Variants in ACVR1 observed in about 807,000 individuals in gnomAD.
ACVR1 encodes the protein activin receptor type-1.
Under a neutral mutation model 57.1 loss-of-function variants are expected in ACVR1, and 38 were observed. The ratio of observed to expected loss-of-function variants is 0.67; its 90% CI spans 0.51 to 0.87. ACVR1 has a LOEUF of 0.87. ACVR1 is among the 40% of genes least tolerant of loss of function. ACVR1 has a pLI of 0.00. For synonymous variants in ACVR1, 212 were observed against 228.1 expected (o/e 0.93, Z 0.63); for missense variants, 463 against 638.2 (o/e 0.73, Z 2.96).
At chr2:157,872,214 T>C (rs749004601) in intron 1 of ACVR1, among the ~76,000 whole-genome samples, 2 of 152,146 alleles carry the variant, frequency 1.3e-5, no homozygotes, top group Non-Finnish European at 2.9e-5. Context: ...CTTGGGAAAA[T>C]AAAACAGGAG....
chr2:157,763,566 A>G (rs1051816306), intron 8 of ACVR1, among the ~76,000 whole-genome samples: 1 of 152,146 alleles, frequency 6.6e-6, no homozygotes, highest in African/African-American at 2.4e-5. Flanking sequence ...TAAGAACAAA[A>G]AAAAGTTAGC....
intron 9 of ACVR1, among the ~76,000 whole-genome samples, chr2:157,739,424 CAG>C (rs1684663646): frequency 6.6e-6 from 1 of 152,160 alleles, no homozygotes; most frequent in Admixed American, 6.5e-5. Context: ...ACTCCTTAAA[CAG>C]AAAAATTTTT....
chr2:157,830,213 C>T lies in ACVR1; in HGVS notation c.-182-11654G>A, dbSNP rs566480535. On this transcript the variant is annotated intron_variant, in intron 1 of 10. Transcript: ENST00000434821. ...CAGCCTAGGTGACAAGAGCAAACTCCGTCTCAAAATAAAATTAAATAAAAG... is the reference window on the plus strand; with the variant it reads ...CAGCCTAGGTGACAAGAGCAAACTCTGTCTCAAAATAAAATTAAATAAAAG... Among the ~76,000 whole-genome samples the T allele has an allele frequency of 1.1e-4, 17 of 151,996 alleles. No homozygotes were observed. In the South Asian group the frequency reaches 3.1e-3, roughly 28 times the overall value.
chr2:157,765,760 T>A (rs56373745), intron 8 of ACVR1, among the ~76,000 whole-genome samples, 161 bp downstream of exon 8: 1 of 152,200 alleles, frequency 6.6e-6, no homozygotes, highest in Non-Finnish European at 1.5e-5. Flanking sequence ...AATGTTAATG[T>A]GAGAATCTAT....
chr2:157,867,556 C>T lies in ACVR1; in HGVS notation c.-183+8240G>A, dbSNP rs577453680. 3.3e-5 allele frequency among the ~76,000 whole-genome samples: 5 copies of T among 152,280 alleles called. No homozygotes were observed. The East Asian group carries it at 9.6e-4, about 29-fold the overall frequency. On this transcript the variant is annotated intron_variant, in intron 1 of 10. Transcript: ENST00000434821. ...AGACAGACATGGTCAAAAGATCTGG[C>T]AGTTTCTTGCAGGAAGGAATATGGC...
intron 1 of ACVR1, among the ~76,000 whole-genome samples, chr2:157,849,358 T>C (rs1018926266): frequency 7.2e-5 from 11 of 152,170 alleles, no homozygotes; most frequent in African/African-American, 1.7e-4. Flanking sequence ...AGGGAAAAAA[T>C]TGGAATTTCT....
At chr2:157,851,896 CACACACACACA>C (rs1559094026) in intron 1 of ACVR1, among the ~76,000 whole-genome samples, 622 of 20,496 alleles carry the variant, frequency 0.03, 30 homozygotes, top group East Asian at 0.19. Flanking sequence ...CACACACACA[CACACACACACA>C]CACCACCCCC....
rs182542928 is a variant in ACVR1, at chr2:157,770,459, G to A, written c.699C>T (p.Ala233=). Reference sequence around the variant, plus strand: ...CATCACGGGAGGAGAAGATCTTCACGGCAACATTCTCCCCTTGCCAGCTGC... The same window carrying A: ...CATCACGGGAGGAGAAGATCTTCACAGCAACATTCTCCCCTTGCCAGCTGC... ...WRGSWQGENV[A]VKIFSSRDEK... Residue 233 remains alanine (A), a synonymous_variant, in exon 7 of 11, where the codon GCC becomes GCT. Coordinates refer to ENST00000434821, the MANE Select transcript of ACVR1 (RefSeq NM_001111067.4). 2.5e-5 allele frequency: 40 copies of A among 1,613,964 alleles called. No homozygotes were observed. Among genetic ancestry groups the A allele is most frequent in the Admixed American group, 5.0e-5 (3 of 59,998 alleles).
chr2:157,836,868 A>G (rs756015390), intron 1 of ACVR1, among the ~76,000 whole-genome samples: 7 of 152,216 alleles, frequency 4.6e-5, no homozygotes, highest in Non-Finnish European at 1.0e-4. Flanking sequence ...TGAAGGGCCT[A>G]GATAAAGAAC....
intron 3 of ACVR1, among the ~76,000 whole-genome samples, chr2:157,796,427 G>A (rs1687126929): frequency 6.6e-6 from 1 of 151,866 alleles, no homozygotes; most frequent in South Asian, 2.1e-4. Flanking sequence ...GGTGGCACAA[G>A]CCTGTGGTCC....
At chr2:157,818,167 A>C (rs1688014247) in intron 2 of ACVR1, among the ~76,000 whole-genome samples, 2 of 152,226 alleles carry the variant, frequency 1.3e-5, no homozygotes, top group African/African-American at 2.4e-5. Flanking sequence ...AAAGCCTACT[A>C]TGAAGGCAAC....
intron 1 of ACVR1, among the ~76,000 whole-genome samples, chr2:157,822,992 A>G (rs1283208231): frequency 6.6e-6 from 1 of 152,254 alleles, no homozygotes; most frequent in African/African-American, 2.4e-5. Context: ...CAAGCGTAGG[A>G]TATGTATACA....
At chr2:157,770,626 T>C in intron 6 of ACVR1, 112 bp from the exon 7 acceptor site, 1 of 1,092,138 alleles carries the variant, frequency 9.2e-7, no homozygotes, top group Non-Finnish European at 1.4e-6. Flanking sequence ...CTCCATTGCT[T>C]ACTGGAGAAA....
At chr2:157,742,627 A>G (rs1684817142) in intron 9 of ACVR1, among the ~76,000 whole-genome samples, 1 of 152,108 alleles carries the variant, frequency 6.6e-6, no homozygotes, top group Admixed American at 6.5e-5. Flanking sequence ...AGTTTGCTAT[A>G]TGGCTCTGAG....
At chr2:157,871,233 G>T (rs2105389683) in intron 1 of ACVR1, among the ~76,000 whole-genome samples, 1 of 152,332 alleles carries the variant, frequency 6.6e-6, no homozygotes, top group South Asian at 2.1e-4. Flanking sequence ...AAGAAATGGG[G>T]ATGATAAAAC....
intron 1 of ACVR1, among the ~76,000 whole-genome samples, chr2:157,824,714 A>ATG (rs1688279017): frequency 6.6e-6 from 1 of 151,888 alleles, no homozygotes; most frequent in Non-Finnish European, 1.5e-5. Context: ...ACAGACACAC[A>ATG]TGCACTCCTC....
chr2:157,785,212 T>G (rs1376043913), intron 3 of ACVR1, among the ~76,000 whole-genome samples: 1 of 152,202 alleles, frequency 6.6e-6, no homozygotes, highest in Non-Finnish European at 1.5e-5. Context: ...GTAGTACAAA[T>G]CATAATGCAG....
At chr2:157,865,014 A>G (rs1292780231) in intron 1 of ACVR1, among the ~76,000 whole-genome samples, 2 of 151,402 alleles carry the variant, frequency 1.3e-5, no homozygotes, top group Non-Finnish European at 2.9e-5. Context: ...CACACCAGAC[A>G]TAGTGCTTTA....
At position 157,829,389 on chromosome 2, in the gene ACVR1, C is replaced by A. The variant is rs530670922; in HGVS notation, c.-182-10830G>T. ...CAACCCAGCCCAGGACCTCTCCCAC[C>A]AGCAGTGGCCCAACTGACTCCTTCA... On this transcript the variant is annotated intron_variant, in intron 1 of 10. Coordinates refer to ENST00000434821, the MANE Select transcript of ACVR1 (RefSeq NM_001111067.4). 7.4e-4 allele frequency among the ~76,000 whole-genome samples: 112 copies of A among 152,324 alleles called. 1 individual carries two copies. The South Asian group carries it at 0.022, about 30-fold the overall frequency.
Sources: gnomAD v4.1 joint callset for allele counts (sites outside exome capture counted in the v4.1 genomes callset) on GRCh38, gnomAD v4.1.1 for gene constraint, MANE v1.5 for transcripts, NCBI Gene and HGNC (gene_info 2026-07-23, HGNC 2026-07-21) for gene names.